Variants in ZSCAN21 observed in about 807,000 individuals in gnomAD.
ZSCAN21 encodes zinc finger and SCAN domain containing 21.
ZSCAN21 carries 26 observed loss-of-function variants against 35.6 expected under a neutral mutation model. The observed-to-expected ratio is 0.73, with a 90% CI of 0.54 to 1.01. The LOEUF is 1.01. ZSCAN21 is among the 50% of genes least tolerant of loss of function. The pLI, the probability that ZSCAN21 is intolerant of heterozygous loss-of-function variation, is 0.00. For missense variants in ZSCAN21, 593 were observed against 587.1 expected (o/e 1.01, Z -0.10); for synonymous variants, 219 against 219.3 (o/e 1.00, Z 0.01).
chr7:100,059,948 T>A (rs1341127482), intron 3 of ZSCAN21, among the ~76,000 whole-genome samples: 1 of 152,088 alleles, frequency 6.6e-6, no homozygotes, highest in Non-Finnish European at 1.5e-5. Flanking sequence ...GACCTCATGA[T>A]CCGCCCTCCT....
In ZSCAN21 at chr7:100,063,907, G is replaced by A. The variant is rs1188002316; in HGVS notation, c.712G>A (p.Glu238Lys). 6.2e-7 allele frequency: 1 copy of A among 1,614,156 alleles called. No homozygotes were observed. The highest frequency in any genetic ancestry group is 1.7e-5 in the Admixed American group (1 of 60,002). ...IIANKPEASL[E>K]RQCVNLENEK... ...CGCCAATAAACCTGAGGCCAGCTTA[G>A]AGAGGCAGTGCGTAAACCTTGAAAA... is the stretch of plus-strand genomic sequence containing the variant. Residue 238 changes from glutamate to lysine, a missense_variant, in exon 4 of 4, where the codon GAG becomes AAG. Glu to Lys is a moderately conservative substitution (Grantham distance 56). Transcript: ENST00000292450.
rs753672951 is a variant in ZSCAN21, at chr7:100,064,626, C to T, written c.*9C>T. 9.9e-6 allele frequency: 16 copies of T among 1,611,230 alleles called. No homozygotes were observed. Among genetic ancestry groups the T allele is most frequent in the South Asian group, 4.4e-5 (4 of 90,792 alleles). On this transcript the variant is annotated 3_prime_UTR_variant, in exon 4 of 4. Coordinates refer to ENST00000292450, the MANE Select transcript of ZSCAN21 (RefSeq NM_145914.3). ...AGGGAGAAGCACCGTAACTTTCAAG[C>T]GCTCCTGTTGTTGTCGTTGTTTTAA... is the stretch of plus-strand genomic sequence containing the variant.
intron 1 of ZSCAN21, among the ~76,000 whole-genome samples, chr7:100,051,179 A>C (rs1349128355): frequency 2.4e-5 from 1 of 42,404 alleles, no homozygotes; most frequent in Non-Finnish European, 4.8e-5. Context: ...ACTACGTCTC[A>C]AAAAAAAAAA....
chr7:100,051,220 A>G (rs1330939792), intron 1 of ZSCAN21, among the ~76,000 whole-genome samples: 2 of 142,328 alleles, frequency 1.4e-5, no homozygotes, highest in Non-Finnish European at 3.0e-5. Context: ...ACTTGTAACA[A>G]TTAGTGGAAT....
Position 100,064,121 on chromosome 7 carries a change from A to G in ZSCAN21, c.926A>G (p.Lys309Arg), listed in dbSNP as rs760097925. 20 of 1,614,210 alleles carry G rather than the reference A, an allele frequency of 1.2e-5. No homozygotes were observed. The highest frequency in any genetic ancestry group is 1.1e-4 in the South Asian group (10 of 91,080). The stretch of plus-strand genomic sequence containing the variant: ...GGGGAGAAACCTTACGTGTGCACCA[A>G]GTGTGGGAAAGCTTTCAGCCACAGC... ...HTGEKPYVCT[K>R]CGKAFSHSSN... Residue 309 changes from lysine to arginine, a missense_variant, in exon 4 of 4, where the codon AAG becomes AGG. By Grantham distance (26) the Lys-to-Arg change is conservative. Coordinates refer to ENST00000292450, the MANE Select transcript of ZSCAN21 (RefSeq NM_145914.3).
At position 100,057,127 on chromosome 7, in the gene ZSCAN21, C is replaced by T. The variant is rs1562845601; in HGVS notation, c.121C>T (p.Leu41=). Reference sequence around the variant, plus strand: ...AGAGAAAGGCAAGTACCTTCCTAGCCTGGAGATGTTCCGCCAGCGCTTCAG... The same window carrying T: ...AGAGAAAGGCAAGTACCTTCCTAGCTTGGAGATGTTCCGCCAGCGCTTCAG... The part of the protein sequence containing the change: ...KEEKGKYLPS[L]EMFRQRFRQF... The change falls in exon 2 of 4, where the codon CTG becomes TTG. Residue 41 remains leucine, a synonymous_variant. Coordinates refer to ENST00000292450, the MANE Select transcript of ZSCAN21 (RefSeq NM_145914.3). 9 of 1,614,150 alleles carry T rather than the reference C, an allele frequency of 5.6e-6. No individual in the cohort carries two copies. The East Asian group carries it at 6.7e-5, about 12-fold the overall frequency.
At chr7:100,055,990 G>T (rs1792061031) in intron 1 of ZSCAN21, among the ~76,000 whole-genome samples, 1 of 146,026 alleles carries the variant, frequency 6.8e-6, no homozygotes. Flanking sequence ...GCCCAGGCTG[G>T]AGTGCAGTGG....
At position 100,064,113 on chromosome 7, in the gene ZSCAN21, G is replaced by T. The variant is rs570317662; in HGVS notation, c.918G>T (p.Val306=). ...RRTHTGEKPY[V]CTKCGKAFSH... ...CACACACTGGGGAGAAACCTTACGT[G>T]TGCACCAAGTGTGGGAAAGCTTTCA... The change falls in exon 4 of 4, where the codon GTG becomes GTT. Residue 306 remains valine (V), a synonymous_variant. Transcript: ENST00000292450. 22 of 1,614,014 alleles carry T rather than the reference G, an allele frequency of 1.4e-5. No homozygotes were observed. Among genetic ancestry groups the T allele is most frequent in the Non-Finnish European group, 1.8e-5 (21 of 1,180,032 alleles).
At chr7:100,060,926 C>G (rs1320995601) in intron 3 of ZSCAN21, among the ~76,000 whole-genome samples, 1 of 151,646 alleles carries the variant, frequency 6.6e-6, no homozygotes, top group African/African-American at 2.4e-5. Context: ...TGGTACACGC[C>G]TGTAGTCCCA....
intron 3 of ZSCAN21, among the ~76,000 whole-genome samples, chr7:100,060,858 CAAAA>C (rs372983638): frequency 1.2e-4 from 9 of 74,448 alleles, no homozygotes; most frequent in African/African-American, 2.9e-4. Context: ...AGGACTCCGT[CAAAA>C]AAAAAAAAAA....
intron 3 of ZSCAN21, among the ~76,000 whole-genome samples, chr7:100,062,754 A>G (rs1792384657): frequency 6.6e-6 from 1 of 152,126 alleles, no homozygotes; most frequent in Non-Finnish European, 1.5e-5. Flanking sequence ...AGGTGCTTCT[A>G]GTCCCAGCTC....
Position 100,063,857 on chromosome 7 carries a change from A to G in ZSCAN21, c.662A>G (p.Lys221Arg). ...AAAGGTTCTGAAGCAGAGGGGCTCA[A>G]AGGGGATATAATTTCTGTGATTATC... ...EQKGSEAEGL[K>R]GDIISVIIAN... The change falls in exon 4 of 4, where the codon AAA (lysine) becomes AGA (arginine). Residue 221 changes from lysine (K) to arginine (R), a missense_variant. Coordinates refer to ENST00000292450, the MANE Select transcript of ZSCAN21 (RefSeq NM_145914.3). 6.2e-7 allele frequency: 1 copy of G among 1,614,144 alleles called. No individual in the cohort carries two copies.
chr7:100,062,887 AAAAT>A (rs1792394112), intron 3 of ZSCAN21, among the ~76,000 whole-genome samples: 1 of 152,118 alleles, frequency 6.6e-6, no homozygotes, highest in African/African-American at 2.4e-5. Context: ...ATAAATAAAT[AAAAT>A]AAATATTTTT....
rs752610995 is a variant in ZSCAN21, at chr7:100,057,384, A to G, written c.378A>G (p.Glu126=). ...AVTLLEDLER[E]LDEPGHQVST... ...CTCTCCTCGAAGATCTGGAGCGGGA[A>G]CTGGATGAGCCAGGACACCAGGTAG... The change falls in exon 2 of 4, where the codon GAA becomes GAG. Residue 126 remains glutamate (E), a synonymous_variant. Transcript: ENST00000292450. 1.3e-6 allele frequency: 2 copies of G among 1,562,552 alleles called. No homozygotes were observed. The highest frequency in any genetic ancestry group is 2.4e-5 in the South Asian group (2 of 82,534).
chr7:100,058,015 G>A, intron 3 of ZSCAN21, 125 bp downstream of exon 3: 1 of 867,370 alleles, frequency 1.2e-6, no homozygotes, highest in Non-Finnish European at 1.7e-6. Context: ...GGGCTGACTG[G>A]GTGGAAATAG....
At chr7:100,053,984 G>A (rs537953528) in intron 1 of ZSCAN21, among the ~76,000 whole-genome samples, 13 of 151,664 alleles carry the variant, frequency 8.6e-5, no homozygotes, top group Admixed American at 3.3e-4. Flanking sequence ...CTGGGATTAC[G>A]GCCGTTAGCC....
chr7:100,057,525 G>A lies in ZSCAN21; in HGVS notation c.399+120G>A. 4.3e-6 allele frequency: 6 copies of A among 1,403,524 alleles called. No individual in the cohort carries two copies. In the South Asian group the frequency reaches 7.3e-5, roughly 17 times the overall value. 86.9% of individuals were successfully genotyped at this position (1,403,524 alleles called of 1,614,324 possible). A position where few individuals can be genotyped will look rare whatever the true frequency, so the allele number is the denominator to read the frequency against. ...GGAAATTTCTGCTGAATTAGACCTTGTTTCCTCCTATTTTTCTCTATCATC... is the reference window on the plus strand; with the variant it reads ...GGAAATTTCTGCTGAATTAGACCTTATTTCCTCCTATTTTTCTCTATCATC... On this transcript the variant is annotated intron_variant, in intron 2 of 3. Coordinates refer to ENST00000292450, the MANE Select transcript of ZSCAN21 (RefSeq NM_145914.3).
chr7:100,064,570 C>G lies in ZSCAN21; in HGVS notation c.1375C>G (p.Leu459Val), dbSNP rs756705237. The G allele has an allele frequency of 5.6e-6, 9 of 1,614,104 alleles. No individual in the cohort carries two copies. In the African/African-American group the frequency reaches 1.1e-4, roughly 19 times the overall value. ...CGKTFCSKSN[L>V]SKHQRVHTGE... ...AAAGACCTTCTGTAGCAAGTCCAAT[C>G]TTTCCAAACATCAGCGAGTCCACAC... Residue 459 changes from leucine to valine, a missense_variant, in exon 4 of 4, where the codon CTT becomes GTT. Coordinates refer to ENST00000292450, the MANE Select transcript of ZSCAN21 (RefSeq NM_145914.3).
rs1398614367 is a variant in ZSCAN21 at position 100,057,125 on chromosome 7, G to C, written c.119G>C (p.Ser40Thr). 1 of 1,614,126 alleles carries C rather than the reference G, an allele frequency of 6.2e-7. No homozygotes were observed. Among genetic ancestry groups the C allele is most frequent in the Non-Finnish European group, 8.5e-7 (1 of 1,180,032 alleles). ...EKEEKGKYLPSLEMFRQRFRQ... is the reference protein window; with the variant it reads ...EKEEKGKYLPTLEMFRQRFRQ... Reference sequence around the variant, plus strand: ...GAAGAGAAAGGCAAGTACCTTCCTAGCCTGGAGATGTTCCGCCAGCGCTTC... The same window carrying C: ...GAAGAGAAAGGCAAGTACCTTCCTACCCTGGAGATGTTCCGCCAGCGCTTC... The change falls in exon 2 of 4, where the codon AGC becomes ACC. Residue 40 changes from serine to threonine, a missense_variant. Coordinates refer to ENST00000292450, the MANE Select transcript of ZSCAN21 (RefSeq NM_145914.3).
Sources: gnomAD v4.1 joint callset for allele counts (sites outside exome capture counted in the v4.1 genomes callset) on GRCh38, gnomAD v4.1.1 for gene constraint, MANE v1.5 for transcripts, NCBI Gene and HGNC (gene_info 2026-07-23, HGNC 2026-07-21) for gene names.